The following TENT2 variants were observed in gnomAD, a reference collection of about 807,000 sequenced individuals.
TENT2 encodes the protein poly(A) RNA polymerase GLD2.
TENT2 carries 44 observed loss-of-function variants against 72.2 expected under a neutral mutation model. That is an observed-to-expected ratio of 0.61 (90% CI 0.48 to 0.78). TENT2 has a LOEUF of 0.78. TENT2 is among the 30% of genes least tolerant of loss of function. TENT2 has a pLI of 0.00. For missense variants in TENT2, 541 were observed against 569.6 expected (o/e 0.95, Z 0.51); for synonymous variants, 212 against 192.5 (o/e 1.10, Z -0.84).
intron 11 of TENT2, among the ~76,000 whole-genome samples, chr5:79,666,685 ATTTC>A (rs1432087350): frequency 2.6e-5 from 4 of 152,118 alleles, no homozygotes; most frequent in Non-Finnish European, 5.9e-5. Flanking sequence ...AATAACCTAA[ATTTC>A]TTTCTGTTTG....
chr5:79,655,245 T>A (rs1373445359), intron 10 of TENT2, among the ~76,000 whole-genome samples: 1 of 152,114 alleles, frequency 6.6e-6, no homozygotes, highest in Non-Finnish European at 1.5e-5. Context: ...TGTTTATAAA[T>A]CTTTTAAAGT....
At chr5:79,635,549 C>T (rs910508073) in intron 4 of TENT2, among the ~76,000 whole-genome samples, 2 of 151,978 alleles carry the variant, frequency 1.3e-5, no homozygotes, top group African/African-American at 4.8e-5. Flanking sequence ...TTCACTTGGG[C>T]ATTGTGAAGG....
At chr5:79,649,505 G>T (rs1791973377) in intron 10 of TENT2, among the ~76,000 whole-genome samples, 1 of 151,170 alleles carries the variant, frequency 6.6e-6, no homozygotes, top group South Asian at 2.1e-4. Context: ...GCCTATAAAA[G>T]TTAGCTCAAG....
chr5:79,635,303 G>A (rs945375933), intron 4 of TENT2, among the ~76,000 whole-genome samples: 2 of 152,134 alleles, frequency 1.3e-5, no homozygotes, highest in African/African-American at 4.8e-5. Context: ...ATTTGATAAT[G>A]TGAATCCCCA....
At position 79,668,594 on chromosome 5, in the gene TENT2, T is replaced by TCG; in HGVS notation, c.1072-298_1072-297insCG. ...CTATATGGTATTGGGTAGATCTTGGTTTGTATAGTAAGGTTTTATTTATGA... is the reference window on the plus strand; with the variant it reads ...CTATATGGTATTGGGTAGATCTTGGTCGTTGTATAGTAAGGTTTTATTTATGA... On this transcript the variant is annotated intron_variant, in intron 11 of 14. Transcript: ENST00000453514. The TCG allele has an allele frequency of 3.3e-5, 8 of 241,282 alleles. No individual in the cohort carries two copies. In the East Asian group the frequency reaches 4.4e-4, roughly 13 times the overall value. The allele number at this position is 241,282 out of a possible 1,614,324, so 14.9% of individuals were successfully genotyped here.
At chr5:79,684,543 A>G (rs1253726964) in intron 14 of TENT2, among the ~76,000 whole-genome samples, 1 of 152,228 alleles carries the variant, frequency 6.6e-6, no homozygotes, top group Non-Finnish European at 1.5e-5. Flanking sequence ...GGCATGAGAC[A>G]CTATACCCAG....
At chr5:79,640,791 A>G (rs183803124) in intron 4 of TENT2, 60 bp from the exon 5 acceptor site, 20 of 980,776 alleles carry the variant, frequency 2.0e-5, no homozygotes, top group Non-Finnish European at 2.7e-5. Flanking sequence ...GCTTCTCCAT[A>G]TAGCAATTAC....
intron 14 of TENT2, among the ~76,000 whole-genome samples, chr5:79,682,803 A>G (rs1823110049): frequency 6.6e-6 from 1 of 152,078 alleles, no homozygotes; most frequent in South Asian, 2.1e-4. Context: ...ATTTATGTAT[A>G]TGTCTGTGTT....
At chr5:79,628,013 C>T (rs1322085986) in intron 4 of TENT2, among the ~76,000 whole-genome samples, 1 of 152,104 alleles carries the variant, frequency 6.6e-6, no homozygotes, top group Non-Finnish European at 1.5e-5. Flanking sequence ...AAATAACTTG[C>T]TCAGGGTTAC....
intron 11 of TENT2, among the ~76,000 whole-genome samples, chr5:79,666,908 A>G (rs1487994379): frequency 6.6e-6 from 1 of 152,148 alleles, no homozygotes; most frequent in East Asian, 1.9e-4. Context: ...ATTACTGTTT[A>G]CTGGTAGCTG....
At chr5:79,650,531 C>G (rs749948305) in intron 10 of TENT2, among the ~76,000 whole-genome samples, 1 of 151,842 alleles carries the variant, frequency 6.6e-6, no homozygotes, top group African/African-American at 2.4e-5. Flanking sequence ...GAAAAATATC[C>G]TTTTATTGCA....
chr5:79,628,622 G>A (rs1772408662), intron 4 of TENT2, among the ~76,000 whole-genome samples: 2 of 152,196 alleles, frequency 1.3e-5, no homozygotes, highest in South Asian at 4.1e-4. Context: ...TGACTTCAGT[G>A]ATTTGATACT....
intron 10 of TENT2, among the ~76,000 whole-genome samples, chr5:79,649,883 A>T (rs778703808): frequency 6.6e-6 from 1 of 152,146 alleles, no homozygotes; most frequent in Non-Finnish European, 1.5e-5. Flanking sequence ...TATCTTACAT[A>T]TGTAGCAATC....
rs577803617 is a variant in TENT2, at chr5:79,658,945, C to G, written c.1071+1944C>G. 7.9e-5 allele frequency among the ~76,000 whole-genome samples: 12 copies of G among 152,216 alleles called. No homozygotes were observed. In the South Asian group the frequency reaches 2.5e-3, roughly 32 times the overall value. On this transcript the variant is annotated intron_variant, in intron 11 of 14. Coordinates refer to ENST00000453514, the MANE Select transcript of TENT2 (RefSeq NM_001114394.3). ...GCTTTCCATCTGTTTTGCTTGTAAG[C>G]TTATTTCTATACCTGTAATGGGGAA... is the stretch of plus-strand genomic sequence containing the variant.
chr5:79,619,491 C>T (rs1763061948), intron 1 of TENT2, 121 bp from the exon 2 acceptor site: 1 of 667,946 alleles, frequency 1.5e-6, no homozygotes, highest in Non-Finnish European at 2.3e-6. Context: ...ACCTATTTAA[C>T]TTTGCAAATA....
chr5:79,633,502 T>G (rs11957254), intron 4 of TENT2, among the ~76,000 whole-genome samples: 28,663 of 144,360 alleles, frequency 0.2, 4,263 homozygotes, highest in African/African-American at 0.41. Flanking sequence ...GTGCAATGGC[T>G]TGATCTCAGC....
intron 11 of TENT2, among the ~76,000 whole-genome samples, chr5:79,660,396 A>T (rs977907536): frequency 4.6e-5 from 7 of 152,162 alleles, no homozygotes; most frequent in African/African-American, 1.4e-4. Flanking sequence ...GTTAACTTAA[A>T]TTTATGCTAG....
chr5:79,636,518 A>T (rs902298088), intron 4 of TENT2, among the ~76,000 whole-genome samples: 1 of 152,084 alleles, frequency 6.6e-6, no homozygotes, highest in African/African-American at 2.4e-5. Context: ...AAATTCCCCA[A>T]TTTTTTTCTC....
chr5:79,671,672 G>A (rs1424265617), intron 12 of TENT2, among the ~76,000 whole-genome samples: 1 of 152,124 alleles, frequency 6.6e-6, no homozygotes, highest in Non-Finnish European at 1.5e-5. Context: ...GCCTCCAAAA[G>A]TGCTAGGATT....
Sources: gnomAD v4.1 joint callset for allele counts (sites outside exome capture counted in the v4.1 genomes callset) on GRCh38, gnomAD v4.1.1 for gene constraint, MANE v1.5 for transcripts, NCBI Gene and HGNC (gene_info 2026-07-23, HGNC 2026-07-21) for gene names.